Variants in MGAT4C observed in about 807,000 individuals in gnomAD.
The protein encoded by MGAT4C is alpha-1,3-mannosyl-glycoprotein 4-beta-N-acetylglucosaminyltransferase C.
A neutral mutation model predicts 40.1 loss-of-function variants in MGAT4C; 19 were observed. The observed-to-expected ratio is 0.47, with a 90% CI of 0.33 to 0.70. The LOEUF (loss-of-function observed/expected upper bound fraction) is 0.70, where lower values mean the gene tolerates loss of function less well. MGAT4C is among the 30% of genes least tolerant of loss of function. The probability of loss-of-function intolerance (pLI) is 0.02; values close to 1 mark genes in which losing one functional copy is unlikely to be tolerated. For synonymous variants in MGAT4C, 181 were observed against 187.1 expected (o/e 0.97, Z 0.27); for missense variants, 491 against 563.2 (o/e 0.87, Z 1.30).
At chr12:86,362,562 G>C (rs541279052) in intron 3 of MGAT4C, among the ~76,000 whole-genome samples, 1 of 152,082 alleles carries the variant, frequency 6.6e-6, no homozygotes. Context: ...AAAAGATCCA[G>C]TCATATATTT....
At chr12:86,531,595 T>C (rs947704579) in intron 2 of MGAT4C, among the ~76,000 whole-genome samples, 2 of 152,062 alleles carry the variant, frequency 1.3e-5, no homozygotes, top group South Asian at 2.1e-4. Context: ...CAATATTATA[T>C]TGAAGCCACT....
At chr12:86,033,904 CT>C (rs1239503836) in intron 2 of MGAT4C, among the ~76,000 whole-genome samples, 1 of 148,870 alleles carries the variant, frequency 6.7e-6, no homozygotes, top group Non-Finnish European at 1.5e-5. Context: ...TTTTTGATGG[CT>C]CTTATTTTTT....
intron 3 of MGAT4C, among the ~76,000 whole-genome samples, chr12:86,341,101 T>C (rs60118956): frequency 0.067 from 10,155 of 152,038 alleles, 817 homozygotes; most frequent in East Asian, 0.24. Context: ...ACCCATGTAC[T>C]CACATTGACA....
At chr12:86,235,385 T>C (rs1437417755) in intron 1 of MGAT4C, among the ~76,000 whole-genome samples, 3 of 152,074 alleles carry the variant, frequency 2.0e-5, no homozygotes, top group Non-Finnish European at 4.4e-5. Flanking sequence ...AATGTATTCA[T>C]GTCACTATTC....
intron 2 of MGAT4C, chr12:86,002,110 A>G (rs2136777952): frequency 6.6e-6 from 1 of 152,152 alleles, no homozygotes; most frequent in Middle Eastern, 3.4e-3. Context: ...CTGTCCTCCC[A>G]GACGTTTTTC....
chr12:86,259,650 T>G (rs1401177727), upstream of MGAT4C, among the ~76,000 whole-genome samples: 7 of 149,216 alleles, frequency 4.7e-5, no homozygotes, highest in Admixed American at 4.7e-4. Flanking sequence ...TTCCTCCAAC[T>G]AAAATGGCCA....
intron 1 of MGAT4C, among the ~76,000 whole-genome samples, chr12:86,251,210 C>T (rs917657867): frequency 1.3e-5 from 2 of 150,106 alleles, no homozygotes; most frequent in African/African-American, 4.9e-5. Flanking sequence ...GTAGTCTGGT[C>T]CCAGACTTTT....
intron 2 of MGAT4C, among the ~76,000 whole-genome samples, chr12:86,481,909 C>T (rs1016872899): frequency 3.3e-5 from 5 of 151,724 alleles, no homozygotes; most frequent in Admixed American, 3.3e-4. Flanking sequence ...TGAGCCACCA[C>T]CTGTATTTAA....
In MGAT4C at chr12:85,958,317, G is replaced by A. The variant is rs1287925346; in HGVS notation, c.*20972C>T. 2.6e-5 allele frequency: 4 copies of A among 152,038 alleles called. No homozygotes were observed. The highest frequency in any genetic ancestry group is 9.7e-5 in the African/African-American group (4 of 41,402). The allele number at this position is 152,038 out of a possible 1,614,324, so 9.4% of individuals were successfully genotyped here. ...TGAGCTCCTGATTTCAGGAGTTCTT[G>A]GCCTCTCAAAGTACCGGGATTACAG... On this transcript the variant is annotated 3_prime_UTR_variant, in exon 5 of 5. Coordinates refer to ENST00000611864, the MANE Select transcript of MGAT4C (RefSeq NM_001351288.2).
At chr12:86,527,329 T>C (rs764788287) in intron 2 of MGAT4C, among the ~76,000 whole-genome samples, 10 of 152,202 alleles carry the variant, frequency 6.6e-5, no homozygotes, top group Non-Finnish European at 1.3e-4. Flanking sequence ...ATACATGAAT[T>C]TGTATCTCTT....
chr12:86,544,956 T>C lies in MGAT4C; in HGVS notation c.-228-109691A>G, dbSNP rs530413798. On this transcript the variant is annotated intron_variant, in intron 2 of 7. Coordinates refer to the MGAT4C transcript ENST00000548651. ...TCTTTAAATTTAATAGTGATTGTTT[T>C]ATACTCACTGTTAACCTACTTAACA... 7.9e-5 allele frequency among the ~76,000 whole-genome samples: 12 copies of C among 152,240 alleles called. No individual in the cohort carries two copies. In the East Asian group the frequency reaches 2.1e-3, roughly 27 times the overall value.
intron 2 of MGAT4C, among the ~76,000 whole-genome samples, chr12:86,643,201 C>T (rs1362328600): frequency 2.6e-5 from 4 of 151,628 alleles, no homozygotes; most frequent in African/African-American, 9.7e-5. Context: ...GATAATGAAC[C>T]CACAATAACA....
intron 1 of MGAT4C, among the ~76,000 whole-genome samples, chr12:86,782,860 C>T (rs74355091): frequency 0.029 from 4,420 of 152,018 alleles, 177 homozygotes; most frequent in African/African-American, 0.092. Context: ...CAGAAACCAA[C>T]CCCGCCAGCA....
intron 2 of MGAT4C, among the ~76,000 whole-genome samples, chr12:85,995,809 A>T (rs993738392): frequency 5.9e-5 from 9 of 152,126 alleles, no homozygotes; most frequent in Middle Eastern, 6.3e-3. Context: ...TCAAGCCTGC[A>T]TGCAGTGAGC....
intron 1 of MGAT4C, among the ~76,000 whole-genome samples, chr12:86,823,329 T>C (rs769367028): frequency 1.3e-4 from 19 of 151,092 alleles, no homozygotes; most frequent in Non-Finnish European, 2.5e-4. Context: ...ATTAATGAAA[T>C]TGGGTCTTGG....
chr12:85,997,013 C>T (rs1886702679), intron 2 of MGAT4C, among the ~76,000 whole-genome samples: 1 of 152,156 alleles, frequency 6.6e-6, no homozygotes, highest in Non-Finnish European at 1.5e-5. Flanking sequence ...TGTTTTCATG[C>T]TGCTGATAAA....
At chr12:86,417,781 T>C (rs1216218373) in intron 3 of MGAT4C, among the ~76,000 whole-genome samples, 1 of 152,122 alleles carries the variant, frequency 6.6e-6, no homozygotes, top group African/African-American at 2.4e-5. Context: ...AGAATATTAA[T>C]GGTGATAATG....
At chr12:86,361,912 G>T (rs1392555800) in intron 3 of MGAT4C, among the ~76,000 whole-genome samples, 1 of 152,234 alleles carries the variant, frequency 6.6e-6, no homozygotes, top group South Asian at 2.1e-4. Context: ...TTCAACCATT[G>T]TGGAAGACAG....
intron 2 of MGAT4C, among the ~76,000 whole-genome samples, chr12:86,489,525 C>T (rs1958090638): frequency 6.6e-6 from 1 of 152,228 alleles, no homozygotes; most frequent in Non-Finnish European, 1.5e-5. Flanking sequence ...TAACACACTG[C>T]TATCTGTGGA....
Sources: gnomAD v4.1 joint callset for allele counts (sites outside exome capture counted in the v4.1 genomes callset) on GRCh38, gnomAD v4.1.1 for gene constraint, MANE v1.5 for transcripts, NCBI Gene and HGNC (gene_info 2026-07-23, HGNC 2026-07-21) for gene names.